Variants in OSBPL3 observed in about 807,000 individuals in gnomAD.
The protein encoded by OSBPL3 is oxysterol-binding protein-related protein 3.
OSBPL3 carries 65 observed loss-of-function variants against 120.1 expected under a neutral mutation model. That is an observed-to-expected ratio of 0.54 (90% CI 0.44 to 0.67). The LOEUF is 0.67. OSBPL3 is among the 30% of genes least tolerant of loss of function. The pLI is 0.00. For synonymous variants in OSBPL3, 416 were observed against 402.6 expected (o/e 1.03, Z -0.40); for missense variants, 1,004 against 1,082.1 (o/e 0.93, Z 1.01).
chr7:24,974,559 A>C (rs1817370338), intron 1 of OSBPL3, among the ~76,000 whole-genome samples: 1 of 152,236 alleles, frequency 6.6e-6, no homozygotes. Flanking sequence ...ACTACACATT[A>C]GGGTCACATT....
At position 24,852,123 on chromosome 7, in the gene OSBPL3, G is replaced by A. The variant is rs978788308; in HGVS notation, c.1158+381C>T. On this transcript the variant is annotated intron_variant, in intron 11 of 22. Transcript: ENST00000313367. This position sits in a 1 kb window ranked among gnomAD's most constrained non-coding sequence, Gnocchi z 4.1. ...CTGCCACCTGTCATTTGGAAAGTAA[G>A]GCTAAGCTTGTGGTGTCTCATGCCC... 6.6e-6 allele frequency among the ~76,000 whole-genome samples: 1 copy of A among 152,198 alleles called. No individual in the cohort carries two copies. The highest frequency in any genetic ancestry group is 2.4e-5 in the African/African-American group (1 of 41,442).
In OSBPL3 at chr7:24,809,951, C is replaced by T. The variant is rs1298981719; in HGVS notation, c.2173G>A (p.Ala725Thr). The T allele has an allele frequency of 5.0e-6, 8 of 1,613,954 alleles. No homozygotes were observed. The highest frequency in any genetic ancestry group is 2.7e-5 in the African/African-American group (2 of 74,890). Reference sequence around the variant, plus strand: ...TGGGCATTAGTGCTCCAGTATTTTGCCTAGGATTCAAATGAGTTGTTGGCT... The same window carrying T: ...TGGGCATTAGTGCTCCAGTATTTTGTCTAGGATTCAAATGAGTTGTTGGCT... ...SCYCKVNFIK[A>T]KYWSTNAHEI... Residue 725 changes from alanine to threonine, a missense_variant and splice_region_variant, in exon 20 of 23, where the codon GCA becomes ACA. By Grantham distance (58) the Ala-to-Thr change is moderately conservative. This residue lies in a region of OSBPL3 where 473 missense variants were observed against 568.0 expected (regional missense o/e 0.83). Transcript: ENST00000313367.
chr7:24,828,615 A>G (rs1190718124), intron 16 of OSBPL3, among the ~76,000 whole-genome samples: 1 of 129,132 alleles, frequency 7.7e-6, no homozygotes, highest in Non-Finnish European at 1.5e-5. Context: ...TGAAAAAAAA[A>G]AAAAAAGAAA....
At chr7:24,951,291 T>C (rs11766936) in intron 1 of OSBPL3, among the ~76,000 whole-genome samples, 37,071 of 152,098 alleles carry the variant, frequency 0.24, 5,298 homozygotes, top group Non-Finnish European at 0.33. Flanking sequence ...AAAATAAAAA[T>C]GCCTTTAAGT....
At position 24,938,436 on chromosome 7, in the gene OSBPL3, C is replaced by A. The variant is rs1812673403; in HGVS notation, c.-150+41450G>T. Reference sequence around the variant, plus strand: ...TATAGCAGCCTGAACTACTACATTGCCACATGAAAATCCACAGGTAGGCAT... The same window carrying A: ...TATAGCAGCCTGAACTACTACATTGACACATGAAAATCCACAGGTAGGCAT... On this transcript the variant is annotated intron_variant, in intron 1 of 22. Transcript: ENST00000313367. The surrounding 1 kb of genome is among the most constrained non-coding windows in gnomAD (Gnocchi z 5.8). 6.6e-6 allele frequency among the ~76,000 whole-genome samples: 1 copy of A among 152,186 alleles called. No individual in the cohort carries two copies. The highest frequency in any genetic ancestry group is 2.1e-4 in the South Asian group (1 of 4,830).
intron 1 of OSBPL3, among the ~76,000 whole-genome samples, chr7:24,921,661 G>C (rs1810401667): frequency 6.6e-6 from 1 of 151,948 alleles, no homozygotes; most frequent in African/African-American, 2.4e-5. Context: ...GCAAATACAG[G>C]GCGTGGTCCA....
rs1798878978 is a variant in OSBPL3, at chr7:24,849,508, T to C, written c.1159-332A>G. On this transcript the variant is annotated intron_variant, in intron 11 of 22. Coordinates refer to ENST00000313367, the MANE Select transcript of OSBPL3 (RefSeq NM_015550.4). The surrounding 1 kb of genome is among the most constrained non-coding windows in gnomAD (Gnocchi z 5.4). ...CCAGTGGTTCCACAGCATCTCCTCC[T>C]CCTCCCCAACTGTCTGGAGTCTCTT... Among the ~76,000 whole-genome samples the C allele has an allele frequency of 6.6e-6, 1 of 152,194 alleles. No homozygotes were observed. The highest frequency in any genetic ancestry group is 2.4e-5 in the African/African-American group (1 of 41,456).
chr7:24,816,629 T>C lies in OSBPL3; in HGVS notation c.2008A>G (p.Thr670Ala). 1 of 1,612,372 alleles carries C rather than the reference T, an allele frequency of 6.2e-7. No individual in the cohort carries two copies. Among genetic ancestry groups the C allele is most frequent in the South Asian group, 1.1e-5 (1 of 91,044 alleles). ...ACTTACACTGGCAGAGTCACATGGG[T>C]TGTGCCAATTGGAACAATTTCCATG... The part of the protein sequence containing the change: ...KSMEIVPIGT[T>A]HVTLPVFGDH... Residue 670 changes from threonine (T) to alanine (A), a missense_variant, in exon 18 of 23, where the codon ACC (threonine) becomes GCC (alanine). By Grantham distance (58) the Thr-to-Ala change is moderately conservative. This residue lies in a region of OSBPL3 where 473 missense variants were observed against 568.0 expected (regional missense o/e 0.83). Coordinates refer to ENST00000313367, the MANE Select transcript of OSBPL3 (RefSeq NM_015550.4).
In OSBPL3 at chr7:24,861,740, T is replaced by A; in HGVS notation, c.900A>T (p.Arg300Ser). The change falls in exon 10 of 23, where the codon AGA (arginine) becomes AGT (serine). Residue 300 changes from arginine to serine, a missense_variant. Transcript: ENST00000313367. ...ACAAATTAGGATTGGAGGAGTGTAGTCTTACTGGGCCAGAAAAAGGTTTCG... is the reference window on the plus strand; with the variant it reads ...ACAAATTAGGATTGGAGGAGTGTAGACTTACTGGGCCAGAAAAAGGTTTCG... ...QVPKPFSGPV[R>S]LHSSNPNLST... 1 of 1,603,656 alleles carries A rather than the reference T, an allele frequency of 6.2e-7. No homozygotes were observed. The highest frequency in any genetic ancestry group is 8.5e-7 in the Non-Finnish European group (1 of 1,176,160).
intron 2 of OSBPL3, among the ~76,000 whole-genome samples, chr7:24,882,791 AT>A (rs1287518532): frequency 6.6e-6 from 1 of 152,100 alleles, no homozygotes; most frequent in African/African-American, 2.4e-5. Flanking sequence ...ATGATATCTC[AT>A]TGTGGTTTTG....
chr7:24,920,473 C>T, intron 1 of OSBPL3, among the ~76,000 whole-genome samples: 1 of 151,894 alleles, frequency 6.6e-6, no homozygotes, highest in East Asian at 1.9e-4. Context: ...AAATGTTTGC[C>T]AGGGGCTGGC....
intron 1 of OSBPL3, chr7:24,917,815 A>G (rs1424187325): frequency 1.3e-5 from 2 of 152,162 alleles, no homozygotes; most frequent in Non-Finnish European, 2.9e-5. Context: ...ACCATGTAAC[A>G]TATGTTGGCA....
At chr7:24,864,979 G>A (rs1027338807) in intron 7 of OSBPL3, among the ~76,000 whole-genome samples, 1 of 152,142 alleles carries the variant, frequency 6.6e-6, no homozygotes, top group Admixed American at 6.5e-5. Flanking sequence ...CCTACATCGT[G>A]AAGATCTCCA....
At chr7:24,889,239 T>C (rs1442258563) in intron 2 of OSBPL3, among the ~76,000 whole-genome samples, 1 of 152,126 alleles carries the variant, frequency 6.6e-6, no homozygotes. Context: ...TTAAGTGAAA[T>C]AAACCAAGCA....
chr7:24,872,106 T>C lies in OSBPL3; in HGVS notation c.97-37A>G. 7.3e-7 allele frequency: 1 copy of C among 1,369,136 alleles called. No individual in the cohort carries two copies. Among genetic ancestry groups the C allele is most frequent in the Middle Eastern group, 1.8e-4 (1 of 5,546 alleles). The allele number at this position is 1,369,136 out of a possible 1,614,324, so 84.8% of individuals were successfully genotyped here. A position where few individuals can be genotyped will look rare whatever the true frequency, so the allele number is the denominator to read the frequency against. On this transcript the variant is annotated intron_variant, in intron 2 of 22. Transcript: ENST00000313367. This position sits in a 1 kb window ranked among gnomAD's most constrained non-coding sequence, Gnocchi z 4.1. Reference sequence around the variant, plus strand: ...AAAGAGTTCATGTTAAATGTCTATCTTTTTGAAAAATAATAATGGTAAAAA... The same window carrying C: ...AAAGAGTTCATGTTAAATGTCTATCCTTTTGAAAAATAATAATGGTAAAAA...
chr7:24,880,750 G>A (rs1803567246), intron 2 of OSBPL3, among the ~76,000 whole-genome samples: 1 of 152,116 alleles, frequency 6.6e-6, no homozygotes, highest in African/African-American at 2.4e-5. Context: ...CAGGACCCAG[G>A]TCTTTTGACT....
rs192737957 is a variant in OSBPL3 at position 24,883,227 on chromosome 7, T to G, written c.96+9150A>C. Among the ~76,000 whole-genome samples the G allele has an allele frequency of 6.6e-6, 1 of 152,106 alleles. No homozygotes were observed. Among genetic ancestry groups the G allele is most frequent in the Admixed American group, 6.6e-5 (1 of 15,262 alleles). ...GATGTGGGCTTGTGAACAGATGCAG[T>G]GGAAAACACAGCTGAACTTGACGGT... is the stretch of plus-strand genomic sequence containing the variant. On this transcript the variant is annotated intron_variant, in intron 2 of 22. Coordinates refer to ENST00000313367, the MANE Select transcript of OSBPL3 (RefSeq NM_015550.4). The surrounding 1 kb of genome is among the most constrained non-coding windows in gnomAD (Gnocchi z 5.4).
At position 24,937,454 on chromosome 7, in the gene OSBPL3, T is replaced by C. The variant is rs993282067; in HGVS notation, c.-150+42432A>G. Among the ~76,000 whole-genome samples the C allele has an allele frequency of 1.3e-5, 2 of 152,232 alleles. No individual in the cohort carries two copies. Among genetic ancestry groups the C allele is most frequent in the Admixed American group, 6.5e-5 (1 of 15,286 alleles). ...TATGTTCAACATTATTCTTGAGGTTTACCCATAAGGATACATATAGTTTTA... is the reference window on the plus strand; with the variant it reads ...TATGTTCAACATTATTCTTGAGGTTCACCCATAAGGATACATATAGTTTTA... On this transcript the variant is annotated intron_variant, in intron 1 of 22. Coordinates refer to ENST00000313367, the MANE Select transcript of OSBPL3 (RefSeq NM_015550.4). This position sits in a 1 kb window ranked among gnomAD's most constrained non-coding sequence, Gnocchi z 4.0.
rs1458231111 is a variant in OSBPL3 at position 24,922,309 on chromosome 7, T to G, written c.-149-29688A>C. Among the ~76,000 whole-genome samples, 1 of 152,142 alleles carries G rather than the reference T, an allele frequency of 6.6e-6. No individual in the cohort carries two copies. Among genetic ancestry groups the G allele is most frequent in the Non-Finnish European group, 1.5e-5 (1 of 68,016 alleles). On this transcript the variant is annotated intron_variant, in intron 1 of 22. Coordinates refer to ENST00000313367, the MANE Select transcript of OSBPL3 (RefSeq NM_015550.4). This position sits in a 1 kb window ranked among gnomAD's most constrained non-coding sequence, Gnocchi z 4.3. ...GGACTGGGGAGAGCACAAACTTTCG[T>G]GTTAGAAAGGTGGCTTGTCCTTACC...
Sources: gnomAD v4.1 joint callset for allele counts (sites outside exome capture counted in the v4.1 genomes callset) on GRCh38, gnomAD v4.1.1 for gene constraint, gnomAD v4.1.1 regional missense constraint, Gnocchi (gnomAD v3.1) non-coding constraint, MANE v1.5 for transcripts, NCBI Gene and HGNC (gene_info 2026-07-23, HGNC 2026-07-21) for gene names.